Variants in IGF2R observed in about 807,000 individuals in gnomAD.
IGF2R encodes cation-independent mannose-6-phosphate receptor.
A neutral mutation model predicts 270.6 loss-of-function variants in IGF2R; 91 were observed. The observed-to-expected ratio is 0.34, with a 90% CI of 0.28 to 0.40. The LOEUF (loss-of-function observed/expected upper bound fraction) is 0.40, where lower values mean the gene tolerates loss of function less well. IGF2R is among the 10% of genes least tolerant of loss of function. The pLI is 1.00. For missense variants in IGF2R, 2,805 were observed against 3,188.3 expected (o/e 0.88, Z 2.90); for synonymous variants, 1,316 against 1,258.9 (o/e 1.05, Z -0.96).
At chr6:160,025,313 C>T (rs1349090481) in intron 5 of IGF2R, among the ~76,000 whole-genome samples, 2 of 152,228 alleles carry the variant, frequency 1.3e-5, no homozygotes, top group African/African-American at 4.8e-5. Flanking sequence ...GCTTGATGTT[C>T]CCCTCAGGGC....
chr6:159,985,622 C>T (rs1168543988), intron 1 of IGF2R, among the ~76,000 whole-genome samples: 2 of 152,034 alleles, frequency 1.3e-5, no homozygotes, highest in African/African-American at 2.4e-5. Context: ...CCCAGAGTGA[C>T]GGTGTCATTG....
At position 160,077,245 on chromosome 6, in the gene IGF2R, C is replaced by A. The variant is rs144913451; in HGVS notation, c.5317-956C>A. 4.6e-3 allele frequency among the ~76,000 whole-genome samples: 693 copies of A among 152,276 alleles called. 3 individuals carry two copies. Among genetic ancestry groups the A allele is most frequent in the African/African-American group, 0.014 (599 of 41,530 alleles). On this transcript the variant is annotated intron_variant, in intron 36 of 47. Coordinates refer to ENST00000356956, the MANE Select transcript of IGF2R (RefSeq NM_000876.4). ...TCCACCCATTGCATCTGTTTATAAG[C>A]GTATTGGCATATTTTTATAGGGGTG... is the stretch of plus-strand genomic sequence containing the variant.
chr6:159,975,133 C>T (rs1470715098), intron 1 of IGF2R, among the ~76,000 whole-genome samples: 1 of 152,162 alleles, frequency 6.6e-6, no homozygotes, highest in East Asian at 1.9e-4. Context: ...CGCTCCCCAC[C>T]CCACACCAGT....
rs1040307184 is a variant in IGF2R at position 159,990,032 on chromosome 6, G to T, written c.150-1152G>T. On this transcript the variant is annotated intron_variant, in intron 1 of 47. Coordinates refer to ENST00000356956, the MANE Select transcript of IGF2R (RefSeq NM_000876.4). ...TTTCGAATCTGATAGCTGACTCATT[G>T]CACAGCTCTGTCTTGCGAGTTCAGA... Among the ~76,000 whole-genome samples the T allele has an allele frequency of 8.5e-5, 13 of 152,318 alleles. No homozygotes were observed. The South Asian group carries it at 2.7e-3, about 32-fold the overall frequency.
chr6:160,064,886 C>G lies in IGF2R; in HGVS notation c.4100C>G (p.Thr1367Ser). The G allele has an allele frequency of 6.2e-7, 1 of 1,607,158 alleles. No homozygotes were observed. Among genetic ancestry groups the G allele is most frequent in the Non-Finnish European group, 8.5e-7 (1 of 1,173,496 alleles). ...TQYACPPFDLTECSFKDGAGN... is the reference protein window; with the variant it reads ...TQYACPPFDLSECSFKDGAGN... Reference sequence around the variant, plus strand: ...TATGCCTGCCCACCTTTCGATCTGACTGAATGTTCATTCAAGTAAGTCCAT... The same window carrying G: ...TATGCCTGCCCACCTTTCGATCTGAGTGAATGTTCATTCAAGTAAGTCCAT... The change falls in exon 29 of 48, where the codon ACT (threonine) becomes AGT (serine). Residue 1367 changes from threonine to serine, a missense_variant. Around this residue, in one of 2 missense-constraint regions of IGF2R, gnomAD observed 1,851 missense variants for 2,207.2 expected, o/e 0.84. Transcript: ENST00000356956.
chr6:160,025,127 T>G lies in IGF2R; in HGVS notation c.646+423T>G, dbSNP rs8191748. ...TATTTGGCCCAAGCTGACTTGTTCC[T>G]TTCTCTGTACTTGCCAAAACTGGTG... On this transcript the variant is annotated intron_variant, in intron 5 of 47. Transcript: ENST00000356956. Among the ~76,000 whole-genome samples, 133 of 152,358 alleles carry G rather than the reference T, an allele frequency of 8.7e-4. 3 individuals carry two copies. The East Asian group carries it at 0.023, about 27-fold the overall frequency.
chr6:160,067,298 A>G (rs1417612325), intron 29 of IGF2R, among the ~76,000 whole-genome samples: 1 of 151,472 alleles, frequency 6.6e-6, no homozygotes, highest in African/African-American at 2.4e-5. Flanking sequence ...CTCAGAGTCT[A>G]TTCACAGGTC....
chr6:160,044,395 G>T, intron 12 of IGF2R, 119 bp from the exon 13 acceptor site: 1 of 952,208 alleles, frequency 1.1e-6, no homozygotes, highest in Non-Finnish European at 1.6e-6. Context: ...GCACGTGCTG[G>T]GTTTGGGCTG....
chr6:160,066,707 G>T (rs900204682), intron 29 of IGF2R, among the ~76,000 whole-genome samples: 1 of 151,984 alleles, frequency 6.6e-6, no homozygotes, highest in African/African-American at 2.4e-5. Context: ...AATGGTGTCT[G>T]TTGACTCTCT....
Position 160,093,450 on chromosome 6 carries a change from G to A in IGF2R, c.6656-2989G>A, listed in dbSNP as rs367676407. 1,810 of 414,128 alleles carry A rather than the reference G, an allele frequency of 4.4e-3. 54 individuals are homozygous for A. The highest frequency in any genetic ancestry group is 0.044 in the South Asian group (1,756 of 40,304). The allele number at this position is 414,128 out of a possible 1,614,324, so 25.7% of individuals were successfully genotyped here. A position where few individuals can be genotyped will look rare whatever the true frequency, so the allele number is the denominator to read the frequency against. On this transcript the variant is annotated intron_variant, in intron 44 of 47. Transcript: ENST00000356956. ...GTCTCAGGCCTCCACCTTACTGCAC[G>A]ATGAAGAGTTTGAGGAGATCAAGAA...
chr6:159,980,228 A>AAAGGAAGG (rs1491507825), intron 1 of IGF2R, among the ~76,000 whole-genome samples: 6 of 135,108 alleles, frequency 4.4e-5, no homozygotes, highest in Admixed American at 7.8e-5. Context: ...AGAAAGAAAG[A>AAAGGAAGG]AAGAAAGAAA....
intron 2 of IGF2R, among the ~76,000 whole-genome samples, chr6:159,996,726 G>A (rs1784059687): frequency 6.6e-6 from 1 of 152,182 alleles, no homozygotes. Context: ...AGAGACACCT[G>A]TCCATGGCTT....
At chr6:160,095,367 A>G (rs1243412321) in intron 44 of IGF2R, 1 of 152,504 alleles carries the variant, frequency 6.6e-6, no homozygotes, top group Non-Finnish European at 1.5e-5. Context: ...GCTTTTCACT[A>G]TACGTTTCCA....
At chr6:160,001,769 A>C (rs376413300) in intron 2 of IGF2R, among the ~76,000 whole-genome samples, 2 of 152,224 alleles carry the variant, frequency 1.3e-5, no homozygotes, top group South Asian at 4.1e-4. Context: ...ACATATGTGA[A>C]TCTTAGCAAA....
chr6:160,072,646 G>A (rs774396260), intron 32 of IGF2R, 119 bp from the exon 33 acceptor site: 125 of 1,030,660 alleles, frequency 1.2e-4, no homozygotes, highest in Non-Finnish European at 3.7e-5. Flanking sequence ...GACAGGGGTC[G>A]TGGTGAGAAG....
chr6:160,031,013 TG>T (rs1402489952), intron 7 of IGF2R, among the ~76,000 whole-genome samples: 1 of 152,156 alleles, frequency 6.6e-6, no homozygotes, highest in Non-Finnish European at 1.5e-5. Context: ...GGCTAATTTT[TG>T]TATTTTTAGT....
At chr6:160,019,636 T>C (rs451457) in intron 4 of IGF2R, among the ~76,000 whole-genome samples, 249 of 152,304 alleles carry the variant, frequency 1.6e-3, no homozygotes, top group Middle Eastern at 3.4e-3. Context: ...GTGGGTTTTA[T>C]TCCAGGGTTG....
At chr6:160,093,634 C>T (rs1779281174) in intron 44 of IGF2R, 3 of 728,738 alleles carry the variant, frequency 4.1e-6, no homozygotes, top group Non-Finnish European at 7.7e-6. Flanking sequence ...AGGGAGAGGA[C>T]CAGGTAAACT....
chr6:160,088,209 T>TA, intron 42 of IGF2R, 62 bp downstream of exon 42: 1 of 1,109,424 alleles, frequency 9.0e-7, no homozygotes, highest in Non-Finnish European at 1.4e-6. Context: ...GAATTCCTCC[T>TA]TGGGGTTTTC....
Sources: gnomAD v4.1 joint callset for allele counts (sites outside exome capture counted in the v4.1 genomes callset) on GRCh38, gnomAD v4.1.1 for gene constraint, gnomAD v4.1.1 regional missense constraint, MANE v1.5 for transcripts, NCBI Gene and HGNC (gene_info 2026-07-23, HGNC 2026-07-21) for gene names.